The following DIAPH3 variants were observed in gnomAD, a reference collection of about 807,000 sequenced individuals.
DIAPH3 encodes the protein protein diaphanous homolog 3.
A neutral mutation model predicts 144.3 loss-of-function variants in DIAPH3; 117 were observed. That is an observed-to-expected ratio of 0.81 (90% CI 0.70 to 0.95). DIAPH3 has a LOEUF of 0.95. DIAPH3 is among the 40% of genes least tolerant of loss of function. The pLI is 0.00. For synonymous variants in DIAPH3, 519 were observed against 488.9 expected (o/e 1.06, Z -0.81); for missense variants, 1,421 against 1,412.7 (o/e 1.01, Z -0.09).
intron 3 of DIAPH3, among the ~76,000 whole-genome samples, chr13:60,097,630 A>C (rs914710308): frequency 1.3e-5 from 2 of 152,234 alleles, no homozygotes; most frequent in Admixed American, 1.3e-4. Flanking sequence ...CTAAGACAAC[A>C]ATACAAAAGT....
intron 21 of DIAPH3, among the ~76,000 whole-genome samples, chr13:59,862,794 C>T (rs960488613): frequency 1.3e-5 from 2 of 151,872 alleles, no homozygotes; most frequent in African/African-American, 4.8e-5. Flanking sequence ...TTTAAAATCA[C>T]AAAGGTGATG....
At chr13:59,736,654 A>G (rs2036168092) in intron 27 of DIAPH3, among the ~76,000 whole-genome samples, 2 of 152,180 alleles carry the variant, frequency 1.3e-5, no homozygotes, top group Non-Finnish European at 1.5e-5. Context: ...ACTAGAAACA[A>G]AAATTTAAAA....
chr13:59,952,084 A>G (rs979342219), intron 17 of DIAPH3, among the ~76,000 whole-genome samples: 6 of 152,212 alleles, frequency 3.9e-5, no homozygotes, highest in Non-Finnish European at 7.3e-5. Flanking sequence ...ATTAAAAGAA[A>G]CATAGCACTG....
intron 1 of DIAPH3, among the ~76,000 whole-genome samples, chr13:60,138,828 G>GAA (rs1268769427): frequency 1.4e-5 from 2 of 148,056 alleles, no homozygotes; most frequent in Admixed American, 6.7e-5. Context: ...AGAGGGGAGG[G>GAA]GAGGGGAGGA....
At chr13:59,938,139 C>T (rs997727256) in intron 17 of DIAPH3, among the ~76,000 whole-genome samples, 2 of 152,148 alleles carry the variant, frequency 1.3e-5, no homozygotes, top group Non-Finnish European at 2.9e-5. Flanking sequence ...ATTGGTCTAG[C>T]TAATTGGAGT....
intron 21 of DIAPH3, among the ~76,000 whole-genome samples, chr13:59,876,772 C>G (rs1333410590): frequency 6.6e-6 from 1 of 152,156 alleles, no homozygotes; most frequent in Non-Finnish European, 1.5e-5. Flanking sequence ...GATGTAAAAC[C>G]TAAAGAGGAT....
At chr13:59,989,259 AGTTTT>A (rs2051644457) in intron 12 of DIAPH3, among the ~76,000 whole-genome samples, 1 of 151,968 alleles carries the variant, frequency 6.6e-6, no homozygotes, top group East Asian at 1.9e-4. Flanking sequence ...AACAAGAGTA[AGTTTT>A]ACTGTATGTA....
intron 17 of DIAPH3, among the ~76,000 whole-genome samples, chr13:59,941,540 G>A (rs1198137277): frequency 5.3e-5 from 8 of 152,156 alleles, no homozygotes. Context: ...TCCACAGGAA[G>A]ACCGCCTCAC....
chr13:59,801,579 C>G (rs1182327627), intron 25 of DIAPH3, among the ~76,000 whole-genome samples: 1 of 152,182 alleles, frequency 6.6e-6, no homozygotes, highest in Non-Finnish European at 1.5e-5. Flanking sequence ...GCAATTCACT[C>G]TAGTCAGGCA....
At chr13:59,716,144 T>C (rs76478763) in intron 27 of DIAPH3, among the ~76,000 whole-genome samples, 6,537 of 152,022 alleles carry the variant, frequency 0.043, 234 homozygotes, top group Admixed American at 0.11. Flanking sequence ...TTCTTACATT[T>C]ACAGGAATAA....
At chr13:60,161,349 G>A (rs911249134) in intron 1 of DIAPH3, among the ~76,000 whole-genome samples, 1 of 152,160 alleles carries the variant, frequency 6.6e-6, no homozygotes, top group African/African-American at 2.4e-5. Context: ...AACTTTGATG[G>A]TCTCAAAGAT....
At chr13:60,102,850 C>T (rs2058311441) in intron 3 of DIAPH3, among the ~76,000 whole-genome samples, 1 of 152,136 alleles carries the variant, frequency 6.6e-6, no homozygotes, top group African/African-American at 2.4e-5. Flanking sequence ...TCATCTATTC[C>T]AAACTTCCAA....
chr13:59,802,876 G>T (rs1227594637), intron 25 of DIAPH3, among the ~76,000 whole-genome samples: 34 of 148,972 alleles, frequency 2.3e-4, no homozygotes, highest in African/African-American at 6.9e-4. Flanking sequence ...AGTAGAGACG[G>T]GGTTTCACCT....
At position 59,774,867 on chromosome 13, in the gene DIAPH3, C is replaced by T. The variant is rs369429654; in HGVS notation, c.3164-44G>A. 42 of 1,516,766 alleles carry T rather than the reference C, an allele frequency of 2.8e-5. 1 individual carries two copies. The South Asian group carries it at 4.0e-4, about 15-fold the overall frequency. The allele number at this position is 1,516,766 out of a possible 1,614,324, so 94.0% of individuals were successfully genotyped here. ...GGAATTCCATCAGCCCTCAGGGTTA[C>T]CATAGCAATGTCAAAGCATATACAA... On this transcript the variant is annotated intron_variant, in intron 25 of 27. Coordinates refer to ENST00000400324, the MANE Select transcript of DIAPH3 (RefSeq NM_001042517.2).
At chr13:59,699,156 G>A (rs2033970025) in intron 27 of DIAPH3, among the ~76,000 whole-genome samples, 1 of 152,176 alleles carries the variant, frequency 6.6e-6, no homozygotes, top group Admixed American at 6.5e-5. Flanking sequence ...GTTATAGGGT[G>A]GTCAGTACAT....
chr13:59,791,554 T>C (rs1330823454), intron 25 of DIAPH3, among the ~76,000 whole-genome samples: 1 of 152,206 alleles, frequency 6.6e-6, no homozygotes, highest in Non-Finnish European at 1.5e-5. Flanking sequence ...TTGATATCTT[T>C]CTGATTCTAA....
At chr13:59,861,626 A>G in intron 21 of DIAPH3, 90 bp from the exon 22 acceptor site, 2 of 1,387,094 alleles carry the variant, frequency 1.4e-6, no homozygotes, top group Non-Finnish European at 2.0e-6. Context: ...TATTTTGTAG[A>G]TAAGGACTAA....
chr13:60,012,126 C>G (rs1254694733), intron 7 of DIAPH3, among the ~76,000 whole-genome samples: 2 of 152,144 alleles, frequency 1.3e-5, no homozygotes, highest in East Asian at 3.8e-4. Context: ...GAAGTTGAAT[C>G]TATAACCAGC....
chr13:60,023,850 CTTTTTT>C (rs35707483), intron 5 of DIAPH3, among the ~76,000 whole-genome samples: 1 of 68,874 alleles, frequency 1.5e-5, no homozygotes, highest in Non-Finnish European at 2.5e-5. Context: ...ACTATTCAGC[CTTTTTT>C]TTTTTTTTTT....
Sources: gnomAD v4.1 joint callset for allele counts (sites outside exome capture counted in the v4.1 genomes callset) on GRCh38, gnomAD v4.1.1 for gene constraint, MANE v1.5 for transcripts, NCBI Gene and HGNC (gene_info 2026-07-23, HGNC 2026-07-21) for gene names.